The following ENTPD1 variants were observed in gnomAD, a reference collection of about 807,000 sequenced individuals.
ENTPD1 encodes ectonucleoside triphosphate diphosphohydrolase 1.
In ENTPD1, 33 loss-of-function variants were observed where a neutral mutation model predicts 57.0. The observed-to-expected ratio is 0.58, with a 90% CI of 0.44 to 0.77. The LOEUF (loss-of-function observed/expected upper bound fraction) is 0.77, where lower values mean the gene tolerates loss of function less well. Ranked by LOEUF, ENTPD1 falls within the 30% of genes least tolerant of loss-of-function variation. The probability of loss-of-function intolerance (pLI) is 0.00; values close to 1 mark genes in which losing one functional copy is unlikely to be tolerated. For synonymous variants in ENTPD1, 202 were observed against 218.8 expected (o/e 0.92, Z 0.68); for missense variants, 501 against 603.4 (o/e 0.83, Z 1.78).
At chr10:95,760,070 G>A (rs1328696267) in intron 1 of ENTPD1, among the ~76,000 whole-genome samples, 1 of 152,202 alleles carries the variant, frequency 6.6e-6, no homozygotes, top group Non-Finnish European at 1.5e-5. Context: ...CAGGAGGATA[G>A]CTTGGGCCCA....
chr10:95,836,733 C>A (rs2098410637), intron 2 of ENTPD1, among the ~76,000 whole-genome samples: 1 of 152,178 alleles, frequency 6.6e-6, no homozygotes, highest in Admixed American at 6.6e-5. Flanking sequence ...TTCTGGGAAG[C>A]TTTATTTACT....
intron 1 of ENTPD1, among the ~76,000 whole-genome samples, chr10:95,718,802 T>C (rs1361169852): frequency 6.6e-6 from 1 of 152,144 alleles, no homozygotes; most frequent in East Asian, 1.9e-4. Flanking sequence ...CTTCCATTAG[T>C]ATACAAGTTG....
At chr10:95,730,222 T>A (rs1469838660) in intron 1 of ENTPD1, among the ~76,000 whole-genome samples, 1 of 131,536 alleles carries the variant, frequency 7.6e-6, no homozygotes, top group Admixed American at 7.6e-5. Context: ...TGTTCTTTTG[T>A]TTTTTTTTTT....
At chr10:95,746,219 G>C (rs1005243103) in intron 1 of ENTPD1, among the ~76,000 whole-genome samples, 10 of 152,220 alleles carry the variant, frequency 6.6e-5, no homozygotes, top group African/African-American at 2.2e-4. Flanking sequence ...GCATAGTGAA[G>C]AGGAAGAGAA....
chr10:95,875,942 G>A lies in ENTPD1; in HGVS notation c.*9559G>A. 1.0e-6 allele frequency: 1 copy of A among 984,530 alleles called. No homozygotes were observed. Among genetic ancestry groups the A allele is most frequent in the Non-Finnish European group, 1.2e-6 (1 of 829,154 alleles). 61.0% of individuals were successfully genotyped at this position (984,530 alleles called of 1,614,324 possible). On this transcript the variant is annotated 3_prime_UTR_variant, in exon 10 of 10. Transcript: ENST00000371205. Reference sequence around the variant, plus strand: ...AGGTACAATTCAAGTTGAGATTTGGGTGGGGACACAGCCAAACCATATCAA... The same window carrying A: ...AGGTACAATTCAAGTTGAGATTTGGATGGGGACACAGCCAAACCATATCAA...
At chr10:95,856,411 C>T (rs2140942208) in intron 7 of ENTPD1, among the ~76,000 whole-genome samples, 1 of 152,206 alleles carries the variant, frequency 6.6e-6, no homozygotes, top group South Asian at 2.1e-4. Context: ...TAAACCAGTA[C>T]AACCACTATG....
intron 2 of ENTPD1, among the ~76,000 whole-genome samples, chr10:95,826,268 T>C (rs1361075825): frequency 1.3e-5 from 2 of 151,826 alleles, no homozygotes; most frequent in East Asian, 1.9e-4. Flanking sequence ...GGGAAAGACA[T>C]AGGTAAAGGG....
Position 95,851,551 on chromosome 10 carries a change from G to T in ENTPD1, c.1074+3845G>T, listed in dbSNP as rs796091106. Among the ~76,000 whole-genome samples, 30 of 151,360 alleles carry T rather than the reference G, an allele frequency of 2.0e-4. 1 individual carries two copies. In the South Asian group the frequency reaches 6.1e-3, roughly 31 times the overall value. ...CCCATTAACTCGTCATTTACATTAGGTATATCTCCTAATGCTATCCCTCCC... is the reference window on the plus strand; with the variant it reads ...CCCATTAACTCGTCATTTACATTAGTTATATCTCCTAATGCTATCCCTCCC... On this transcript the variant is annotated intron_variant, in intron 7 of 9. Transcript: ENST00000371205.
Position 95,866,161 on chromosome 10 carries a change from T to C in ENTPD1, c.1327-16T>C. On this transcript the variant is annotated splice_polypyrimidine_tract_variant and intron_variant, in intron 9 of 9. Coordinates refer to ENST00000371205, the MANE Select transcript of ENTPD1 (RefSeq NM_001776.6). ...AACTCCTCCAACCACAAACAGACTT[T>C]CCCCACTGTTTGCAGATCCAGGGCA... 1.2e-6 allele frequency: 2 copies of C among 1,610,294 alleles called. No individual in the cohort carries two copies. Among genetic ancestry groups the C allele is most frequent in the Non-Finnish European group, 1.7e-6 (2 of 1,178,074 alleles).
intron 1 of ENTPD1, among the ~76,000 whole-genome samples, chr10:95,731,135 G>A (rs916779173): frequency 2.6e-5 from 4 of 152,314 alleles, no homozygotes; most frequent in African/African-American, 9.6e-5. Flanking sequence ...TAGCCAAACA[G>A]TGCTGTCTGA....
rs1251458139 is a variant in ENTPD1 at position 95,866,369 on chromosome 10, A to G, written c.1519A>G (p.Lys507Glu). The change falls in exon 10 of 10, where the codon AAA becomes GAA. Residue 507 changes from lysine to glutamate, a missense_variant. By Grantham distance (56) the Lys-to-Glu change is moderately conservative. Transcript: ENST00000371205. ...LIFHKPSYFW[K>E]DMV ...CTTTCACAAGCCTTCATATTTCTGG[A>G]AAGATATGGTATAGCAAAAGCAGCT... The G allele has an allele frequency of 6.2e-7, 1 of 1,614,112 alleles. No homozygotes were observed. Among genetic ancestry groups the G allele is most frequent in the South Asian group, 1.1e-5 (1 of 91,084 alleles).
chr10:95,725,611 T>C (rs2097982789), intron 1 of ENTPD1, among the ~76,000 whole-genome samples: 1 of 152,200 alleles, frequency 6.6e-6, no homozygotes, highest in South Asian at 2.1e-4. Flanking sequence ...TGCCCTCATG[T>C]CTACTTTAGT....
At chr10:95,828,444 C>G (rs1047481335) in intron 2 of ENTPD1, among the ~76,000 whole-genome samples, 3 of 152,072 alleles carry the variant, frequency 2.0e-5, no homozygotes, top group African/African-American at 7.3e-5. Flanking sequence ...TAAGGTAGTT[C>G]ACAATAAGTG....
chr10:95,817,505 G>A (rs759958174), intron 1 of ENTPD1, among the ~76,000 whole-genome samples: 3 of 152,224 alleles, frequency 2.0e-5, no homozygotes, highest in Non-Finnish European at 4.4e-5. Context: ...GACTTTAGAA[G>A]TAAGTCACAT....
intron 1 of ENTPD1, among the ~76,000 whole-genome samples, chr10:95,741,441 AT>A (rs2098000208): frequency 1.3e-5 from 2 of 152,218 alleles, no homozygotes; most frequent in South Asian, 4.1e-4. Context: ...CATAAGAAGT[AT>A]AATAATAATG....
intron 3 of ENTPD1, among the ~76,000 whole-genome samples, chr10:95,841,446 A>G (rs1269790810): frequency 6.6e-6 from 1 of 152,188 alleles, no homozygotes; most frequent in East Asian, 1.9e-4. Flanking sequence ...CGTTTGGCCT[A>G]ACAATGAAGG....
intron 1 of ENTPD1, among the ~76,000 whole-genome samples, chr10:95,726,520 T>C (rs138153402): frequency 0.015 from 2,294 of 152,302 alleles, 29 homozygotes; most frequent in Middle Eastern, 0.044. Context: ...TTCCTTTCAT[T>C]CCTCAAGAAT....
intron 8 of ENTPD1, among the ~76,000 whole-genome samples, chr10:95,864,103 C>CA (rs2098469935): frequency 6.6e-6 from 1 of 151,922 alleles, no homozygotes; most frequent in Non-Finnish European, 1.5e-5. Flanking sequence ...GACTCAGATG[C>CA]AAAAAAAGAC....
Position 95,871,871 on chromosome 10 carries a change from C to T in ENTPD1, c.*5488C>T, listed in dbSNP as rs971729718. The T allele has an allele frequency of 3.5e-5, 34 of 985,244 alleles. No homozygotes were observed. Among genetic ancestry groups the T allele is most frequent in the Non-Finnish European group, 3.7e-5 (31 of 829,922 alleles). 61.0% of individuals were successfully genotyped at this position (985,244 alleles called of 1,614,324 possible). A position where few individuals can be genotyped will look rare whatever the true frequency, so the allele number is the denominator to read the frequency against. On this transcript the variant is annotated 3_prime_UTR_variant, in exon 10 of 10. Transcript: ENST00000371205. ...TCTCATCTAAGAAATAACATCACCTCTTCTAATGAAGTTCTAAGAAGAGAG... is the reference window on the plus strand; with the variant it reads ...TCTCATCTAAGAAATAACATCACCTTTTCTAATGAAGTTCTAAGAAGAGAG...
Sources: gnomAD v4.1 joint callset for allele counts (sites outside exome capture counted in the v4.1 genomes callset) on GRCh38, gnomAD v4.1.1 for gene constraint, MANE v1.5 for transcripts, NCBI Gene and HGNC (gene_info 2026-07-23, HGNC 2026-07-21) for gene names.